The following BTBD9 variants were observed in gnomAD, a reference collection of about 807,000 sequenced individuals.
BTBD9 encodes the protein BTB domain containing 9.
A neutral mutation model predicts 64.3 loss-of-function variants in BTBD9; 49 were observed. That is an observed-to-expected ratio of 0.76 (90% confidence interval 0.61 to 0.97). The LOEUF is 0.97. Ranked by LOEUF, BTBD9 falls within the 50% of genes least tolerant of loss-of-function variation. The pLI, the probability that BTBD9 is intolerant of heterozygous loss-of-function variation, is 0.00. For missense variants in BTBD9, 598 were observed against 762.1 expected, an observed-to-expected ratio of 0.78 and a Z score of 2.53; for synonymous variants, 260 against 274.7, an observed-to-expected ratio of 0.95 and a Z score of 0.53.
chr6:38,309,823 T>C (rs2127569857), intron 7 of BTBD9, among the ~76,000 whole-genome samples: 1 of 152,082 alleles, frequency 6.6e-6, no homozygotes, highest in East Asian at 1.9e-4. Flanking sequence ...TTCTTTAAAA[T>C]GCATCAATAA....
At chr6:38,522,224 C>T (rs1293499177) in intron 6 of BTBD9, among the ~76,000 whole-genome samples, 2 of 152,164 alleles carry the variant, frequency 1.3e-5, no homozygotes, top group Non-Finnish European at 2.9e-5. Context: ...TCTCTACTGG[C>T]TTTTCTCTCT....
chr6:38,385,873 C>A (rs1562111115), intron 6 of BTBD9, among the ~76,000 whole-genome samples: 1 of 149,210 alleles, frequency 6.7e-6, no homozygotes, highest in Non-Finnish European at 1.5e-5. Flanking sequence ...CAGATCACTG[C>A]AACCTCCACC....
chr6:38,617,313 G>A (rs1192362691), intron 1 of BTBD9, among the ~76,000 whole-genome samples: 2 of 152,224 alleles, frequency 1.3e-5, no homozygotes, highest in Non-Finnish European at 1.5e-5. Flanking sequence ...TCACCCAAGC[G>A]AGACTTGCCC....
chr6:38,329,353 G>T (rs1582239681), intron 7 of BTBD9, among the ~76,000 whole-genome samples: 1 of 139,300 alleles, frequency 7.2e-6, no homozygotes, highest in Non-Finnish European at 1.5e-5. Context: ...GACAGAATCT[G>T]GCTCTGTCAC....
At chr6:38,321,451 C>T in intron 7 of BTBD9, among the ~76,000 whole-genome samples, 1 of 152,156 alleles carries the variant, frequency 6.6e-6, no homozygotes, top group East Asian at 1.9e-4. Context: ...TGAAGAAAGG[C>T]TAACCTTTCA....
chr6:38,537,314 C>T (rs947110451), intron 6 of BTBD9, among the ~76,000 whole-genome samples: 1 of 152,192 alleles, frequency 6.6e-6, no homozygotes, highest in African/African-American at 2.4e-5. Flanking sequence ...GAAACAACCA[C>T]TCCCCTATGA....
At chr6:38,326,470 C>CA (rs960572325) in intron 7 of BTBD9, among the ~76,000 whole-genome samples, 1 of 151,336 alleles carries the variant, frequency 6.6e-6, no homozygotes, top group Non-Finnish European at 1.5e-5. Context: ...TGGAGAACAG[C>CA]AAAAAAAGAC....
Position 38,168,879 on chromosome 6 carries a change from A to G in BTBD9, c.*6106T>C, listed in dbSNP as rs985108969. On this transcript the variant is annotated 3_prime_UTR_variant, in exon 11 of 11. Transcript: ENST00000481247. ...ACCCCTGGCCTCCTGGCGCCCCTCC[A>G]GAGTCTCACGCTTCTCCAGGCACTG... 6.6e-6 allele frequency: 1 copy of G among 152,280 alleles called. No individual in the cohort carries two copies. Among genetic ancestry groups the G allele is most frequent in the Non-Finnish European group, 1.5e-5 (1 of 68,084 alleles). The allele number at this position is 152,280 out of a possible 1,614,324, so 9.4% of individuals were successfully genotyped here.
intron 9 of BTBD9, among the ~76,000 whole-genome samples, chr6:38,214,200 G>C (rs1582061414): frequency 6.6e-6 from 1 of 152,142 alleles, no homozygotes; most frequent in East Asian, 1.9e-4. Context: ...CTGGCTCCAA[G>C]TCACTCTCTG....
intron 7 of BTBD9, among the ~76,000 whole-genome samples, chr6:38,302,475 T>TTGTG (rs1370467970): frequency 1.1e-4 from 11 of 100,824 alleles, no homozygotes; most frequent in African/African-American, 3.1e-4. Flanking sequence ...TAATATTCCA[T>TTGTG]TGTGTGTATG....
chr6:38,242,678 T>G (rs9357266), intron 9 of BTBD9, among the ~76,000 whole-genome samples: 16,231 of 152,250 alleles, frequency 0.11, 1,276 homozygotes, highest in East Asian at 0.45. Flanking sequence ...CCTCAGAATT[T>G]TCCTTCACAA....
intron 6 of BTBD9, among the ~76,000 whole-genome samples, chr6:38,503,333 G>A (rs1375157926): frequency 1.3e-5 from 2 of 151,820 alleles, no homozygotes; most frequent in Non-Finnish European, 2.9e-5. Context: ...TCCAGGAGAC[G>A]GCCCAGGCTA....
At chr6:38,274,290 G>A (rs1461734240) in intron 8 of BTBD9, among the ~76,000 whole-genome samples, 1 of 152,186 alleles carries the variant, frequency 6.6e-6, no homozygotes, top group African/African-American at 2.4e-5. Context: ...CTGAGACAAT[G>A]GGATTTTCTA....
intron 9 of BTBD9, among the ~76,000 whole-genome samples, chr6:38,213,935 G>A (rs954303853): frequency 6.6e-6 from 1 of 151,924 alleles, no homozygotes; most frequent in African/African-American, 2.4e-5. Context: ...GGCGGAGCTT[G>A]CAGTGAGCTG....
intron 9 of BTBD9, among the ~76,000 whole-genome samples, chr6:38,218,485 C>G (rs1471004272): frequency 1.3e-5 from 2 of 152,234 alleles, no homozygotes; most frequent in Admixed American, 1.3e-4. Flanking sequence ...GCTAATTTAC[C>G]TGTTGTCCTG....
At chr6:38,504,251 C>A (rs1772344126) in intron 6 of BTBD9, among the ~76,000 whole-genome samples, 1 of 152,220 alleles carries the variant, frequency 6.6e-6, no homozygotes, top group African/African-American at 2.4e-5. Flanking sequence ...ATTTCAAATG[C>A]AACACTGCTC....
intron 6 of BTBD9, among the ~76,000 whole-genome samples, chr6:38,345,618 C>T (rs1322435351): frequency 1.3e-5 from 2 of 152,242 alleles, no homozygotes; most frequent in Non-Finnish European, 2.9e-5. Context: ...TATTTTACTA[C>T]TGCTCCTAAA....
intron 4 of BTBD9, among the ~76,000 whole-genome samples, chr6:38,582,636 T>C (rs1275937858): frequency 6.6e-6 from 1 of 152,080 alleles, no homozygotes; most frequent in African/African-American, 2.4e-5. Flanking sequence ...AAAATTGCCT[T>C]AGACCCAGAG....
chr6:38,491,486 A>C (rs1484452432), intron 6 of BTBD9, among the ~76,000 whole-genome samples: 1 of 152,234 alleles, frequency 6.6e-6, no homozygotes, highest in Non-Finnish European at 1.5e-5. Flanking sequence ...TAAATTAAGT[A>C]ATAACACCTG....
Sources: gnomAD v4.1 joint callset for allele counts (sites outside exome capture counted in the v4.1 genomes callset) on GRCh38, gnomAD v4.1.1 for gene constraint, MANE v1.5 for transcripts, NCBI Gene and HGNC (gene_info 2026-07-23, HGNC 2026-07-21) for gene names.